TNFRSF21: variants seen among roughly 807,000 people sequenced by gnomAD.
TNFRSF21 encodes the protein tumor necrosis factor receptor superfamily member 21.
Under a neutral mutation model 45.6 loss-of-function variants are expected in TNFRSF21, and 19 were observed. That is an observed-to-expected ratio of 0.42 (90% CI 0.29 to 0.61). TNFRSF21 has a LOEUF of 0.61. Ranked by LOEUF, TNFRSF21 falls within the 20% of genes least tolerant of loss-of-function variation. TNFRSF21 has a pLI of 0.23. For synonymous variants in TNFRSF21, 314 were observed against 335.5 expected, an observed-to-expected ratio of 0.94 and a Z score of 0.70; for missense variants, 737 against 851.5, an observed-to-expected ratio of 0.87 and a Z score of 1.67.
chr6:47,282,283 G>C (rs577701718), intron 3 of TNFRSF21, among the ~76,000 whole-genome samples: 247 of 151,708 alleles, frequency 1.6e-3, no homozygotes, highest in African/African-American at 5.4e-3. Flanking sequence ...TACTCAGGAG[G>C]CTGAGGCAGG....
intron 3 of TNFRSF21, among the ~76,000 whole-genome samples, chr6:47,272,890 A>G (rs1289834643): frequency 6.6e-6 from 1 of 152,226 alleles, no homozygotes. Flanking sequence ...AAACACCTCT[A>G]TGCAAATAAA....
intron 3 of TNFRSF21, among the ~76,000 whole-genome samples, chr6:47,283,652 GACAAGGTCAA>G (rs1374775045): frequency 6.6e-6 from 1 of 152,148 alleles, no homozygotes; most frequent in African/African-American, 2.4e-5. Context: ...TTTGTTAAAT[GACAAGGTCAA>G]ACAAAGTCCC....
At chr6:47,278,672 A>G (rs1228776603) in intron 3 of TNFRSF21, among the ~76,000 whole-genome samples, 1 of 152,212 alleles carries the variant, frequency 6.6e-6, no homozygotes, top group Non-Finnish European at 1.5e-5. Context: ...CATAGCCACA[A>G]AGAGTTAAAC....
chr6:47,250,611 G>GA (rs923944568), intron 4 of TNFRSF21, among the ~76,000 whole-genome samples: 7 of 151,920 alleles, frequency 4.6e-5, no homozygotes, highest in South Asian at 2.1e-4. Context: ...ATTGACCATT[G>GA]AAAAAAAATA....
intron 3 of TNFRSF21, among the ~76,000 whole-genome samples, chr6:47,272,165 C>G (rs56302404): frequency 6.6e-6 from 1 of 152,100 alleles, no homozygotes; most frequent in Admixed American, 6.5e-5. Flanking sequence ...ACAAGCAGAC[C>G]TAATAGACAT....
At chr6:47,283,357 A>C (rs1322740535) in intron 3 of TNFRSF21, among the ~76,000 whole-genome samples, 2 of 152,194 alleles carry the variant, frequency 1.3e-5, no homozygotes, top group African/African-American at 4.8e-5. Context: ...TGGGGTCTAC[A>C]ATCCAAAAGA....
At chr6:47,239,365 C>T (rs11759405) in intron 4 of TNFRSF21, among the ~76,000 whole-genome samples, 9,995 of 150,392 alleles carry the variant, frequency 0.066, 490 homozygotes, top group African/African-American at 0.13. Context: ...TGAAAAATCA[C>T]TTCCCTGTTG....
intron 3 of TNFRSF21, among the ~76,000 whole-genome samples, chr6:47,265,891 A>G (rs1175801183): frequency 6.6e-6 from 1 of 152,224 alleles, no homozygotes; most frequent in Non-Finnish European, 1.5e-5. Context: ...CTAATGTAAC[A>G]TATCACTCCT....
At chr6:47,276,134 A>T (rs1582342604) in intron 3 of TNFRSF21, among the ~76,000 whole-genome samples, 1 of 152,098 alleles carries the variant, frequency 6.6e-6, no homozygotes, top group East Asian at 1.9e-4. Context: ...TTTGAACCTG[A>T]GCTCTCCCAG....
chr6:47,294,539 G>A (rs1762770328), intron 1 of TNFRSF21, among the ~76,000 whole-genome samples: 1 of 152,186 alleles, frequency 6.6e-6, no homozygotes, highest in Non-Finnish European at 1.5e-5. Context: ...ATACCCTTCA[G>A]TACAAGGGCA....
chr6:47,251,856 C>T (rs1764905764), intron 4 of TNFRSF21, among the ~76,000 whole-genome samples: 1 of 152,104 alleles, frequency 6.6e-6, no homozygotes, highest in Non-Finnish European at 1.5e-5. Context: ...TATTTCACAC[C>T]TAAATTATTT....
intron 3 of TNFRSF21, among the ~76,000 whole-genome samples, chr6:47,268,734 C>T (rs544499680): frequency 6.6e-5 from 10 of 152,080 alleles, no homozygotes; most frequent in Non-Finnish European, 1.0e-4. Context: ...GAACCATTAC[C>T]GGTGTCATCC....
intron 3 of TNFRSF21, among the ~76,000 whole-genome samples, chr6:47,279,987 A>C (rs1040300395): frequency 1.3e-5 from 2 of 152,228 alleles, no homozygotes; most frequent in Non-Finnish European, 1.5e-5. Context: ...CTAGGACTCC[A>C]TGAAAGTAGG....
At chr6:47,251,476 T>C (rs1160049000) in intron 4 of TNFRSF21, among the ~76,000 whole-genome samples, 2 of 152,220 alleles carry the variant, frequency 1.3e-5, no homozygotes, top group Admixed American at 1.3e-4. Flanking sequence ...TGTTCTCTCA[T>C]TCGTTGACCT....
Position 47,232,536 on chromosome 6 carries a change from A to C in TNFRSF21, c.*229T>G. ...CAACAGTTACACCTGGCAAAGGCTT[A>C]TAAACCAACTTCCCAGAAGAGTTAT... On this transcript the variant is annotated 3_prime_UTR_variant, in exon 6 of 6. Transcript: ENST00000296861. 1 of 516,906 alleles carries C rather than the reference A, an allele frequency of 1.9e-6. No individual in the cohort carries two copies. 32.0% of individuals were successfully genotyped at this position (516,906 alleles called of 1,614,324 possible). A position where few individuals can be genotyped will look rare whatever the true frequency, so the allele number is the denominator to read the frequency against.
At position 47,234,905 on chromosome 6, in the gene TNFRSF21, G is replaced by A; in HGVS notation, c.1510-7C>T. 7.5e-7 allele frequency: 1 copy of A among 1,338,270 alleles called. No individual in the cohort carries two copies. The highest frequency in any genetic ancestry group is 9.6e-7 in the Non-Finnish European group (1 of 1,043,094). The allele number at this position is 1,338,270 out of a possible 1,614,324, so 82.9% of individuals were successfully genotyped here. ...CTAGTTTGTCAGTTTCCAGCTGTAG[G>A]AGGGAAAATTTTTTTTTATTATATA... is the stretch of plus-strand genomic sequence containing the variant. On this transcript the variant is annotated splice_region_variant and splice_polypyrimidine_tract_variant and intron_variant, in intron 4 of 5. Transcript: ENST00000296861.
intron 1 of TNFRSF21, among the ~76,000 whole-genome samples, chr6:47,291,108 C>T (rs895004836): frequency 3.9e-5 from 6 of 152,142 alleles, no homozygotes; most frequent in Non-Finnish European, 8.8e-5. Context: ...GAAATTAACT[C>T]CAGGCAAGAA....
At chr6:47,297,510 CTTTTTT>C (rs55690288) in intron 1 of TNFRSF21, among the ~76,000 whole-genome samples, 1 of 117,476 alleles carries the variant, frequency 8.5e-6, no homozygotes, top group Non-Finnish European at 1.7e-5. Flanking sequence ...TCTCTTTTTA[CTTTTTT>C]TTTTTTTTTT....
At chr6:47,292,682 C>T (rs1561951697) in intron 1 of TNFRSF21, among the ~76,000 whole-genome samples, 1 of 152,126 alleles carries the variant, frequency 6.6e-6, no homozygotes, top group Non-Finnish European at 1.5e-5. Context: ...TGAAAATAAA[C>T]ATTCATGTAA....
Sources: gnomAD v4.1 joint callset for allele counts (sites outside exome capture counted in the v4.1 genomes callset) on GRCh38, gnomAD v4.1.1 for gene constraint, MANE v1.5 for transcripts, NCBI Gene and HGNC (gene_info 2026-07-23, HGNC 2026-07-21) for gene names.